The following LEPR variants were observed in gnomAD, a reference collection of about 807,000 sequenced individuals.
LEPR encodes leptin receptor.
In LEPR, 56 loss-of-function variants were observed where a neutral mutation model predicts 114.7. The ratio of observed to expected loss-of-function variants is 0.49; its 90% CI spans 0.39 to 0.61. The LOEUF (loss-of-function observed/expected upper bound fraction) is 0.61, where lower values mean the gene tolerates loss of function less well. LEPR is among the 20% of genes least tolerant of loss of function. LEPR has a pLI of 0.00. For synonymous variants in LEPR, 443 were observed against 461.4 expected (o/e 0.96, Z 0.51); for missense variants, 1,202 against 1,352.9 (o/e 0.89, Z 1.75).
At chr1:65,467,604 G>A (rs373191642) in intron 2 of LEPR, among the ~76,000 whole-genome samples, 8 of 152,320 alleles carry the variant, frequency 5.3e-5, no homozygotes, top group South Asian at 2.1e-4. Flanking sequence ...TGCAGAAGCC[G>A]TCTGCTACCT....
chr1:65,490,249 T>C (rs1251782409), intron 2 of LEPR, among the ~76,000 whole-genome samples: 1 of 152,062 alleles, frequency 6.6e-6, no homozygotes, highest in Non-Finnish European at 1.5e-5. Context: ...GCTGTCCACG[T>C]ACCAAAAGAG....
intron 5 of LEPR, among the ~76,000 whole-genome samples, chr1:65,573,757 G>A (rs2100819602): frequency 6.6e-6 from 1 of 152,260 alleles, no homozygotes; most frequent in East Asian, 1.9e-4. Flanking sequence ...CTGAGAGGAG[G>A]GGGAATTGGG....
At chr1:65,501,477 A>T (rs1648449080) in intron 2 of LEPR, among the ~76,000 whole-genome samples, 1 of 151,338 alleles carries the variant, frequency 6.6e-6, no homozygotes, top group African/African-American at 2.4e-5. Flanking sequence ...TTCTCTTCTT[A>T]TAAGGACACT....
At position 65,626,051 on chromosome 1, in the gene LEPR, C is replaced by T. The variant is rs1195373350; in HGVS notation, c.2673+3070C>T. On this transcript the variant is annotated intron_variant, in intron 19 of 19. Coordinates refer to ENST00000349533, the MANE Select transcript of LEPR (RefSeq NM_002303.6). ...AGTGGTTTCTCAGTGTTCAGGAGGG[C>T]CATGAAATGATCAGGCCCACATCAG... 5 of 1,389,992 alleles carry T rather than the reference C, an allele frequency of 3.6e-6. No individual in the cohort carries two copies. In the Admixed American group the frequency reaches 7.6e-5, roughly 21 times the overall value. The allele number at this position is 1,389,992 out of a possible 1,614,324, so 86.1% of individuals were successfully genotyped here. A position where few individuals can be genotyped will look rare whatever the true frequency, so the allele number is the denominator to read the frequency against.
At chr1:65,476,741 A>G (rs1296113651) in intron 2 of LEPR, among the ~76,000 whole-genome samples, 1 of 152,188 alleles carries the variant, frequency 6.6e-6, no homozygotes, top group African/African-American at 2.4e-5. Context: ...TGAGATATTT[A>G]CATATAATTC....
intron 19 of LEPR, among the ~76,000 whole-genome samples, chr1:65,631,850 T>C (rs1658537039): frequency 6.6e-6 from 1 of 152,206 alleles, no homozygotes; most frequent in Non-Finnish European, 1.5e-5. Context: ...AAATTTCTTC[T>C]AAATCCAAAT....
chr1:65,593,598 T>C (rs1655851858), intron 6 of LEPR, among the ~76,000 whole-genome samples: 1 of 152,152 alleles, frequency 6.6e-6, no homozygotes, highest in Non-Finnish European at 1.5e-5. Context: ...TTTGCATCAT[T>C]GGTTTTGACA....
chr1:65,567,521 G>T (rs2100792148), intron 3 of LEPR, among the ~76,000 whole-genome samples: 1 of 152,178 alleles, frequency 6.6e-6, no homozygotes, highest in South Asian at 2.1e-4. Flanking sequence ...ATACCTAATT[G>T]TTATCAGTAT....
At chr1:65,628,454 G>A (rs530341515) in intron 19 of LEPR, among the ~76,000 whole-genome samples, 1 of 152,228 alleles carries the variant, frequency 6.6e-6, no homozygotes, top group East Asian at 1.9e-4. Context: ...TGTAGCCTGT[G>A]TTTGTCTAGT....
chr1:65,542,326 A>T (rs1278988196), intron 2 of LEPR, among the ~76,000 whole-genome samples: 1 of 151,986 alleles, frequency 6.6e-6, no homozygotes, highest in African/African-American at 2.4e-5. Context: ...GTGAGAATAA[A>T]TATCTACATT....
At chr1:65,500,929 G>A (rs1222596403) in intron 2 of LEPR, among the ~76,000 whole-genome samples, 1 of 152,024 alleles carries the variant, frequency 6.6e-6, no homozygotes, top group Non-Finnish European at 1.5e-5. Flanking sequence ...AGTGATTTCT[G>A]TTCTTCTGGA....
At chr1:65,426,131 T>C (rs1263518808) in intron 2 of LEPR, among the ~76,000 whole-genome samples, 1 of 133,366 alleles carries the variant, frequency 7.5e-6, no homozygotes, top group Non-Finnish European at 1.5e-5. Context: ...TCAGAGGAGG[T>C]AAAAAGTGAG....
intron 2 of LEPR, among the ~76,000 whole-genome samples, chr1:65,551,843 A>G (rs1652394477): frequency 6.6e-6 from 1 of 152,174 alleles, no homozygotes; most frequent in Non-Finnish European, 1.5e-5. Context: ...GTGGGCATTT[A>G]GTGCTATAAA....
intron 2 of LEPR, among the ~76,000 whole-genome samples, chr1:65,549,970 G>A (rs1652162682): frequency 6.6e-6 from 1 of 152,230 alleles, no homozygotes; most frequent in African/African-American, 2.4e-5. Flanking sequence ...TTTGCTGATG[G>A]TGATGTACAG....
At chr1:65,581,320 C>G (rs1302410903) in intron 5 of LEPR, among the ~76,000 whole-genome samples, 1 of 152,120 alleles carries the variant, frequency 6.6e-6, no homozygotes, top group African/African-American at 2.4e-5. Context: ...TGGTTCTTGG[C>G]TCCCCCTTCT....
At chr1:65,483,994 A>T (rs1647347519) in intron 2 of LEPR, among the ~76,000 whole-genome samples, 1 of 150,784 alleles carries the variant, frequency 6.6e-6, no homozygotes, top group Admixed American at 6.6e-5. Flanking sequence ...GCTGGAGTGC[A>T]GTGGCACAGT....
intron 2 of LEPR, among the ~76,000 whole-genome samples, chr1:65,537,829 G>A (rs1042215965): frequency 1.3e-5 from 2 of 152,100 alleles, no homozygotes; most frequent in African/African-American, 4.8e-5. Context: ...TTAATAAATA[G>A]CATTAAAGTT....
intron 2 of LEPR, chr1:65,435,296 T>G: frequency 1.0e-6 from 1 of 985,138 alleles, no homozygotes; most frequent in Middle Eastern, 5.2e-4. Flanking sequence ...AATAGTTCAT[T>G]ATGTTAATAA....
rs143861310 is a variant in LEPR at position 65,491,229 on chromosome 1, T to G, written c.-21+65851T>G. Among the ~76,000 whole-genome samples, 99 of 152,240 alleles carry G rather than the reference T, an allele frequency of 6.5e-4. 1 individual carries two copies. Among genetic ancestry groups the G allele is most frequent in the Admixed American group, 4.6e-4 (7 of 15,280 alleles). On this transcript the variant is annotated intron_variant, in intron 2 of 19. Transcript: ENST00000349533. ...AAGAATCTGCTTCTGCTAGTTCAGA[T>G]GGGAAGTGATTAGTGTTTGTCATAT...
Sources: allele counts gnomAD v4.1 joint callset (sites outside exome capture counted in the v4.1 genomes callset), GRCh38; gene constraint gnomAD v4.1.1; transcripts MANE v1.5; gene names NCBI Gene and HGNC (gene_info 2026-07-23, HGNC 2026-07-21).